DNAH5: variants seen among roughly 807,000 people sequenced by gnomAD.
DNAH5 encodes axonemal beta dynein heavy chain 5.
In DNAH5, 372 loss-of-function variants were observed where a neutral mutation model predicts 518.2. The ratio of observed to expected loss-of-function variants is 0.72; its 90% CI spans 0.66 to 0.78. DNAH5 has a LOEUF of 0.78. DNAH5 is among the 30% of genes least tolerant of loss of function. The pLI, the probability that DNAH5 is intolerant of heterozygous loss-of-function variation, is 0.00. For missense variants in DNAH5, 5,523 were observed against 5,687.0 expected (o/e 0.97, Z 0.93); for synonymous variants, 2,039 against 2,025.9 (o/e 1.01, Z -0.17).
chr5:13,922,092 C>G lies in DNAH5; in HGVS notation c.660+15G>C. ...CACCTGATCATTTTTAAAGGAACAGCTTATTCGTCCTCACCTTCTCCTTCA... is the reference window on the plus strand; with the variant it reads ...CACCTGATCATTTTTAAAGGAACAGGTTATTCGTCCTCACCTTCTCCTTCA... On this transcript the variant is annotated intron_variant, in intron 5 of 78. Transcript: ENST00000265104. The G allele has an allele frequency of 6.2e-7, 1 of 1,613,020 alleles. No individual in the cohort carries two copies. Among genetic ancestry groups the G allele is most frequent in the Non-Finnish European group, 8.5e-7 (1 of 1,179,298 alleles).
At chr5:13,738,959 A>T (rs1439550067) in intron 65 of DNAH5, among the ~76,000 whole-genome samples, 1 of 152,142 alleles carries the variant, frequency 6.6e-6, no homozygotes, top group Non-Finnish European at 1.5e-5. Context: ...CTGCGTTTAT[A>T]ATGTACAATT....
chr5:13,887,518 C>G (rs183198047), intron 17 of DNAH5, among the ~76,000 whole-genome samples: 65 of 152,140 alleles, frequency 4.3e-4, no homozygotes, highest in Non-Finnish European at 8.7e-4. Flanking sequence ...TGATGACACC[C>G]AAAAGCTGAA....
intron 74 of DNAH5, among the ~76,000 whole-genome samples, chr5:13,716,183 T>C (rs1191706834): frequency 6.6e-6 from 1 of 152,186 alleles, no homozygotes; most frequent in Non-Finnish European, 1.5e-5. Flanking sequence ...AGGTGATTTG[T>C]GTAGGTCTCC....
rs1771856279 is a variant in DNAH5 at position 13,882,815 on chromosome 5, T to C, written c.3175A>G (p.Lys1059Glu). The change falls in exon 21 of 79, where the codon AAA (lysine) becomes GAA (glutamate). Residue 1059 changes from lysine to glutamate, a missense_variant and splice_region_variant. Transcript: ENST00000265104. ...GCCATTTTTCTTTCTTGTATCTTTT[T>C]CTACAATGTAAAAGGATATTTTTCA... ...RQWSSELLSKKKIQERKMAAL... is the reference protein window; with the variant it reads ...RQWSSELLSKEKIQERKMAAL... The C allele has an allele frequency of 3.1e-6, 5 of 1,614,048 alleles. No individual in the cohort carries two copies. The highest frequency in any genetic ancestry group is 2.2e-5 in the East Asian group (1 of 44,878).
intron 12 of DNAH5, among the ~76,000 whole-genome samples, chr5:13,909,436 A>C (rs1775722768): frequency 6.6e-6 from 1 of 152,098 alleles, no homozygotes; most frequent in African/African-American, 2.4e-5. Flanking sequence ...GACCCTGGGT[A>C]ATTGAAACCA....
At chr5:13,945,192 A>C (rs1373846177), upstream of DNAH5, among the ~76,000 whole-genome samples, 3 of 152,234 alleles carry the variant, frequency 2.0e-5, no homozygotes, top group East Asian at 1.9e-4. Context: ...TGATCATCTT[A>C]ACTGTGAAGA....
chr5:13,716,031 C>T (rs529985534), intron 74 of DNAH5, among the ~76,000 whole-genome samples: 3 of 152,188 alleles, frequency 2.0e-5, no homozygotes, highest in African/African-American at 7.2e-5. Context: ...CTGGACATAT[C>T]CATAGGCTGT....
intron 3 of DNAH5, among the ~76,000 whole-genome samples, chr5:13,926,998 A>G (rs978661340): frequency 6.6e-6 from 1 of 152,230 alleles, no homozygotes; most frequent in African/African-American, 2.4e-5. Context: ...TTTTAAACAA[A>G]GAAGTATAGT....
Position 13,885,101 on chromosome 5 carries a change from C to G in DNAH5, c.2871G>C (p.Glu957Asp), listed in dbSNP as rs766247333. 1 of 1,614,238 alleles carries G rather than the reference C, an allele frequency of 6.2e-7. No homozygotes were observed. The highest frequency in any genetic ancestry group is 1.1e-5 in the South Asian group (1 of 91,088). ...ETEMLGEEAR[E>D]LLSHFNHQNM... The stretch of plus-strand genomic sequence containing the variant: ...TCTGATGGTTGAAATGAGAGAGTAA[C>G]TCGCGGGCTTCTTCCCCTAACATCT... Residue 957 changes from glutamate to aspartate, a missense_variant, in exon 19 of 79, where the codon GAG becomes GAC. Transcript: ENST00000265104.
chr5:13,824,337 G>C lies in DNAH5; in HGVS notation c.6445-4C>G. 1 of 1,614,008 alleles carries C rather than the reference G, an allele frequency of 6.2e-7. No homozygotes were observed. On this transcript the variant is annotated splice_polypyrimidine_tract_variant and splice_region_variant and intron_variant, in intron 38 of 78. Coordinates refer to ENST00000265104, the MANE Select transcript of DNAH5 (RefSeq NM_001369.3). ...GCAGGCCAAAGTCATAATGAACCTA[G>C]AGAATGTGAGATACATTGGGCTTAT... is the stretch of plus-strand genomic sequence containing the variant.
At chr5:13,756,681 G>C (rs7702944) in intron 61 of DNAH5, among the ~76,000 whole-genome samples, 111,179 of 151,598 alleles carry the variant, frequency 0.73, 41,033 homozygotes, top group African/African-American at 0.82. Context: ...TATAAACCCA[G>C]ATAAGTGTTA....
rs1009313593 is a variant in DNAH5 at position 13,770,685 on chromosome 5, C to T, written c.9605+64G>A. 1.9e-5 allele frequency: 28 copies of T among 1,441,882 alleles called. No homozygotes were observed. In the Admixed American group the frequency reaches 4.9e-4, roughly 25 times the overall value. 89.3% of individuals were successfully genotyped at this position (1,441,882 alleles called of 1,614,324 possible). ...GGTCATTGCAAAATAGCCACCAGGGCAAATCTGTCCCTGGTTGAGAGCCAC... is the reference window on the plus strand; with the variant it reads ...GGTCATTGCAAAATAGCCACCAGGGTAAATCTGTCCCTGGTTGAGAGCCAC... On this transcript the variant is annotated intron_variant, in intron 56 of 78. Coordinates refer to ENST00000265104, the MANE Select transcript of DNAH5 (RefSeq NM_001369.3).
At chr5:13,827,928 G>A (rs1052163960) in intron 38 of DNAH5, among the ~76,000 whole-genome samples, 3 of 152,144 alleles carry the variant, frequency 2.0e-5, no homozygotes, top group Admixed American at 6.5e-5. Context: ...TGAAAAGGAC[G>A]TGTTTGCTTC....
At chr5:13,775,966 A>C (rs1323554187) in intron 55 of DNAH5, among the ~76,000 whole-genome samples, 5 of 139,066 alleles carry the variant, frequency 3.6e-5, no homozygotes, top group Non-Finnish European at 7.7e-5. Flanking sequence ...TCTCACCAAA[A>C]GCTTTCAAAA....
chr5:13,973,025 C>T (rs1481611317), intron 1 of DNAH5, among the ~76,000 whole-genome samples: 2 of 152,112 alleles, frequency 1.3e-5, no homozygotes, highest in African/African-American at 2.4e-5. Flanking sequence ...ACAACAGGGG[C>T]TTAGCAGATG....
At chr5:13,708,529 G>A (rs182645534) in intron 75 of DNAH5, among the ~76,000 whole-genome samples, 194 bp from the exon 76 acceptor site, 6 of 151,898 alleles carry the variant, frequency 4.0e-5, no homozygotes, top group South Asian at 2.1e-4. Context: ...TGACCAGCCC[G>A]AATTTTCATG....
At chr5:13,930,997 G>A (rs913056995) in intron 2 of DNAH5, 113 bp downstream of exon 2, 29 of 1,514,116 alleles carry the variant, frequency 1.9e-5, no homozygotes, top group Non-Finnish European at 2.5e-5. Flanking sequence ...CCCTGTCCAC[G>A]TTAAGACAGG....
At chr5:13,708,398 T>C in intron 75 of DNAH5, 63 bp from the exon 76 acceptor site, 1 of 1,545,044 alleles carries the variant, frequency 6.5e-7, no homozygotes, top group East Asian at 2.2e-5. Context: ...ATAGACCTGG[T>C]GCCCTGGGGC....
chr5:13,953,959 C>T lies in DNAH5; in HGVS notation c.13-22715G>A, dbSNP rs140059057. ...CTGACCTCATGTGATCCACCCACCT[C>T]GGCCTCCCAAAGTGCTGGGATTACA... is the stretch of plus-strand genomic sequence containing the variant. On this transcript the variant is annotated intron_variant, in intron 1 of 78. Transcript: ENST00000681290. 8.6e-3 allele frequency among the ~76,000 whole-genome samples: 1,312 copies of T among 152,260 alleles called. 19 individuals are homozygous for T. The highest frequency in any genetic ancestry group is 0.03 in the African/African-American group (1,264 of 41,562).
Sources: allele counts gnomAD v4.1 joint callset (sites outside exome capture counted in the v4.1 genomes callset), GRCh38; gene constraint gnomAD v4.1.1; transcripts MANE v1.5; gene names NCBI Gene and HGNC (gene_info 2026-07-23, HGNC 2026-07-21).